Variants in BMPR1B observed in about 807,000 individuals in gnomAD.
BMPR1B encodes the protein bone morphogenetic protein receptor type-1B.
A neutral mutation model predicts 59.1 loss-of-function variants in BMPR1B; 12 were observed. The observed-to-expected ratio is 0.20, with a 90% confidence interval of 0.13 to 0.33. The LOEUF (loss-of-function observed/expected upper bound fraction) is 0.33. BMPR1B is among the 10% of genes least tolerant of loss of function. BMPR1B has a pLI of 1.00. For synonymous variants in BMPR1B, 237 were observed against 207.3 expected, an observed-to-expected ratio of 1.14 and a Z score of -1.23; for missense variants, 550 against 610.9, an observed-to-expected ratio of 0.90 and a Z score of 1.05.
intron 3 of BMPR1B, chr4:95,103,469 T>G (rs941612253): frequency 1.0e-6 from 1 of 985,228 alleles, no homozygotes; most frequent in Non-Finnish European, 1.2e-6. Context: ...ATTTATGCAG[T>G]TACATGGCAT....
intron 1 of BMPR1B, among the ~76,000 whole-genome samples, chr4:94,851,765 G>A (rs371390841): frequency 9.2e-5 from 14 of 152,084 alleles, no homozygotes; most frequent in Non-Finnish European, 1.5e-4. Flanking sequence ...ATTATAAAGC[G>A]TATAGGTTAA....
rs116760660 is a variant in BMPR1B at position 94,907,714 on chromosome 4, C to T, written c.-113+31814C>T. Among the ~76,000 whole-genome samples, 275 of 151,996 alleles carry T rather than the reference C, an allele frequency of 1.8e-3. 1 individual carries two copies. Among genetic ancestry groups the T allele is most frequent in the African/African-American group, 6.1e-3 (251 of 41,480 alleles). On this transcript the variant is annotated intron_variant, in intron 2 of 12. Coordinates refer to ENST00000515059, the MANE Select transcript of BMPR1B (RefSeq NM_001203.3). ...CATGTAAAAATATTCCTATTTGTTA[C>T]GGTTTGCTTGTATGTGTTTGTCATT... is the stretch of plus-strand genomic sequence containing the variant.
chr4:94,913,346 A>G (rs72887896), intron 2 of BMPR1B, among the ~76,000 whole-genome samples: 6,187 of 152,242 alleles, frequency 0.041, 395 homozygotes, highest in African/African-American at 0.14. Context: ...AACTCTTGGA[A>G]AGAGATTAAG....
At chr4:95,040,050 C>T (rs1329596536) in intron 3 of BMPR1B, among the ~76,000 whole-genome samples, 2 of 152,178 alleles carry the variant, frequency 1.3e-5, no homozygotes, top group Non-Finnish European at 2.9e-5. Flanking sequence ...AAGTCTACTA[C>T]TAAATGTGTA....
intron 10 of BMPR1B, among the ~76,000 whole-genome samples, chr4:95,139,688 T>A (rs1734070323): frequency 6.6e-6 from 1 of 152,030 alleles, no homozygotes; most frequent in Non-Finnish European, 1.5e-5. Flanking sequence ...TGAGCGAGGC[T>A]CCATGGGCGT....
At chr4:94,799,365 G>A (rs192156751) in intron 1 of BMPR1B, among the ~76,000 whole-genome samples, 131 of 150,618 alleles carry the variant, frequency 8.7e-4, no homozygotes, top group Non-Finnish European at 9.6e-4. Flanking sequence ...GTGCAGTGGC[G>A]CAATCTCGGC....
chr4:95,056,496 A>G (rs1429209311), intron 3 of BMPR1B, among the ~76,000 whole-genome samples: 2 of 152,194 alleles, frequency 1.3e-5, no homozygotes, highest in East Asian at 3.8e-4. Context: ...AGACATAAAG[A>G]AAAACTAAAG....
At chr4:94,822,329 T>G (rs1350291705) in intron 1 of BMPR1B, among the ~76,000 whole-genome samples, 1 of 152,154 alleles carries the variant, frequency 6.6e-6, no homozygotes, top group African/African-American at 2.4e-5. Flanking sequence ...ACCATGACAT[T>G]TATTATGTCT....
chr4:95,150,976 C>T (rs1276301449), intron 11 of BMPR1B, among the ~76,000 whole-genome samples: 1 of 152,050 alleles, frequency 6.6e-6, no homozygotes, highest in Non-Finnish European at 1.5e-5. Context: ...TCTCAATAAG[C>T]GATTTTATTT....
At chr4:94,922,259 G>A (rs990630209) in intron 2 of BMPR1B, among the ~76,000 whole-genome samples, 3 of 152,112 alleles carry the variant, frequency 2.0e-5, no homozygotes, top group Non-Finnish European at 4.4e-5. Flanking sequence ...ACAGGCATGA[G>A]TCATTGTGCC....
intron 3 of BMPR1B, among the ~76,000 whole-genome samples, chr4:95,003,801 CTTTTTTTTTTTTTT>C (rs5860385): frequency 1.2e-5 from 1 of 84,560 alleles, no homozygotes; most frequent in Non-Finnish European, 2.1e-5. Context: ...CAAAGTCCAT[CTTTTTTTTTTTTTT>C]TTTTTTTTTT....
chr4:94,979,232 T>TA (rs1242242143), intron 2 of BMPR1B, among the ~76,000 whole-genome samples: 1 of 151,918 alleles, frequency 6.6e-6, no homozygotes, highest in East Asian at 1.9e-4. Context: ...TTTGCAAAAA[T>TA]AAAAAAATTA....
chr4:95,035,205 A>G (rs1029741518), intron 3 of BMPR1B, among the ~76,000 whole-genome samples: 1 of 152,118 alleles, frequency 6.6e-6, no homozygotes, highest in Non-Finnish European at 1.5e-5. Flanking sequence ...TAGTTTATGA[A>G]TATTTTCTCC....
At chr4:95,059,949 C>T (rs1263420238) in intron 3 of BMPR1B, among the ~76,000 whole-genome samples, 1 of 152,146 alleles carries the variant, frequency 6.6e-6, no homozygotes, top group Non-Finnish European at 1.5e-5. Context: ...TCTGGTGGGA[C>T]TTCAGAGGTT....
At chr4:94,972,025 C>G (rs1301604995) in intron 2 of BMPR1B, among the ~76,000 whole-genome samples, 3 of 151,362 alleles carry the variant, frequency 2.0e-5, no homozygotes, top group South Asian at 2.1e-4. Context: ...TTCTGAGAAT[C>G]AATAAAGGAA....
intron 2 of BMPR1B, among the ~76,000 whole-genome samples, chr4:94,893,834 G>T (rs1178838555): frequency 6.6e-6 from 1 of 151,964 alleles, no homozygotes; most frequent in Non-Finnish European, 1.5e-5. Flanking sequence ...CTGCTGCGTG[G>T]CAGTGTTTGA....
chr4:95,032,254 A>G (rs370981724), intron 3 of BMPR1B, among the ~76,000 whole-genome samples: 2 of 149,626 alleles, frequency 1.3e-5, no homozygotes, highest in East Asian at 2.0e-4. Flanking sequence ...TGACTGGGGG[A>G]GAGAGAGAGA....
At chr4:94,853,387 T>C (rs1725635494) in intron 1 of BMPR1B, among the ~76,000 whole-genome samples, 2 of 152,164 alleles carry the variant, frequency 1.3e-5, no homozygotes, top group Admixed American at 1.3e-4. Flanking sequence ...ACAGTGAATA[T>C]CAAAGATTGA....
chr4:94,840,840 T>C (rs1725030010), intron 1 of BMPR1B, among the ~76,000 whole-genome samples: 1 of 148,680 alleles, frequency 6.7e-6, no homozygotes, highest in African/African-American at 2.5e-5. Context: ...AGAGGCGCTC[T>C]GCTTTTTGGA....
Sources: allele counts gnomAD v4.1 joint callset (sites outside exome capture counted in the v4.1 genomes callset), GRCh38; gene constraint gnomAD v4.1.1; transcripts MANE v1.5; gene names NCBI Gene and HGNC (gene_info 2026-07-23, HGNC 2026-07-21).